Variants in CCR5AS observed in about 807,000 individuals in gnomAD.
CCR5AS encodes CCR5 antisense RNA.
At position 46,387,157 on chromosome 3, in the gene CCR5AS, A is replaced by G. The variant is rs991900376; in HGVS notation, n.391+5668T>C. Among the ~76,000 whole-genome samples, 13 of 152,270 alleles carry G rather than the reference A, an allele frequency of 8.5e-5. No homozygotes were observed. In the East Asian group the frequency reaches 2.3e-3, roughly 27 times the overall value. On this transcript the variant is annotated intron_variant and non_coding_transcript_variant, in intron 2 of 3. Coordinates refer to ENST00000451485, the Ensembl canonical transcript of CCR5AS. Reference sequence around the variant, plus strand: ...AAATGAAAGATACCCCCTTCCTACTATGAATTCTAAGTGTGTACTACCCAA... The same window carrying G: ...AAATGAAAGATACCCCCTTCCTACTGTGAATTCTAAGTGTGTACTACCCAA...
intron 2 of CCR5AS, among the ~76,000 whole-genome samples, chr3:46,379,110 C>A (rs969861505): frequency 4.0e-5 from 6 of 148,560 alleles, no homozygotes; most frequent in Admixed American, 2.7e-4. Flanking sequence ...CATGCTGGTG[C>A]GCTGCACCCA....
chr3:46,393,312 T>C (rs1315029780), intron 1 of CCR5AS, among the ~76,000 whole-genome samples: 1 of 152,008 alleles, frequency 6.6e-6, no homozygotes, highest in Admixed American at 6.5e-5. Flanking sequence ...TTCACTTCTT[T>C]TGTGGTTCTT....
intron 1 of CCR5AS, among the ~76,000 whole-genome samples, chr3:46,402,690 C>CT (rs1380460508): frequency 1.3e-5 from 2 of 152,096 alleles, no homozygotes; most frequent in African/African-American, 4.8e-5. Context: ...ACCTATTTCT[C>CT]TTTTTTTGAA....
chr3:46,368,891 A>G (rs1039731258), intron 3 of CCR5AS, among the ~76,000 whole-genome samples: 4 of 152,234 alleles, frequency 2.6e-5, no homozygotes, highest in African/African-American at 9.6e-5. Flanking sequence ...GGTGAAAGTA[A>G]GAACCAGCAA....
chr3:46,384,572 T>A (rs941650422), intron 2 of CCR5AS, among the ~76,000 whole-genome samples: 4 of 152,180 alleles, frequency 2.6e-5, no homozygotes, highest in African/African-American at 9.6e-5. Context: ...AATTTCTTTT[T>A]AATGCCTATG....
At chr3:46,370,517 A>T (rs1701647845) in intron 3 of CCR5AS, among the ~76,000 whole-genome samples, 1 of 152,198 alleles carries the variant, frequency 6.6e-6, no homozygotes, top group Non-Finnish European at 1.5e-5. Context: ...AATTAATAGC[A>T]ACTCTTAAGA....
At chr3:46,388,609 C>A (rs993186342) in intron 2 of CCR5AS, among the ~76,000 whole-genome samples, 8 of 152,134 alleles carry the variant, frequency 5.3e-5, no homozygotes, top group African/African-American at 1.9e-4. Context: ...TAGGTAAAAA[C>A]AACACTCTTC....
intron 2 of CCR5AS, among the ~76,000 whole-genome samples, chr3:46,387,128 A>G (rs1026680201): frequency 6.6e-6 from 1 of 152,182 alleles, no homozygotes; most frequent in Non-Finnish European, 1.5e-5. Flanking sequence ...ATTGTGGTGG[A>G]CACAAATGAA....
intron 1 of CCR5AS, among the ~76,000 whole-genome samples, chr3:46,403,254 C>A (rs1304838768): frequency 6.6e-6 from 1 of 152,176 alleles, no homozygotes; most frequent in Non-Finnish European, 1.5e-5. Flanking sequence ...TGGGTGTATA[C>A]CCAGTAATGG....
intron 2 of CCR5AS, among the ~76,000 whole-genome samples, chr3:46,380,565 G>T (rs1701806526): frequency 6.6e-6 from 1 of 152,184 alleles, no homozygotes; most frequent in Non-Finnish European, 1.5e-5. Context: ...CCTGCCCTAA[G>T]CCCCAGAGAC....
chr3:46,386,303 T>C (rs375746859), intron 2 of CCR5AS, among the ~76,000 whole-genome samples: 1 of 152,232 alleles, frequency 6.6e-6, no homozygotes. Context: ...GAATTCCTTC[T>C]TGTGACAGCG....
chr3:46,383,804 A>G (rs1301854314), intron 2 of CCR5AS, among the ~76,000 whole-genome samples: 2 of 152,250 alleles, frequency 1.3e-5, no homozygotes, highest in African/African-American at 4.8e-5. Flanking sequence ...GCAGCTCAAC[A>G]TTCAGCATTC....
intron 2 of CCR5AS, chr3:46,373,881 T>C (rs1701713805): frequency 6.2e-7 from 1 of 1,612,722 alleles, no homozygotes; most frequent in Non-Finnish European, 8.5e-7. Context: ...CTGTTCTATT[T>C]TCCAGCAAGA....
intron 1 of CCR5AS, among the ~76,000 whole-genome samples, chr3:46,397,201 G>A (rs1241574472): frequency 6.6e-6 from 1 of 151,916 alleles, no homozygotes; most frequent in Non-Finnish European, 1.5e-5. Context: ...AGCTCCCACT[G>A]CTCCTGTGTG....
chr3:46,397,691 T>C (rs181340112), intron 1 of CCR5AS, among the ~76,000 whole-genome samples: 95 of 152,138 alleles, frequency 6.2e-4, no homozygotes, highest in African/African-American at 2.2e-3. Flanking sequence ...CAAACACAAC[T>C]GAAAACTGAA....
intron 1 of CCR5AS, among the ~76,000 whole-genome samples, chr3:46,406,160 G>T (rs144074933): frequency 6.8e-4 from 103 of 152,238 alleles, no homozygotes; most frequent in African/African-American, 2.4e-3. Context: ...GTAGGAATGC[G>T]CCTCAGTGCC....
At chr3:46,392,525 G>A (rs550653846) in intron 2 of CCR5AS, among the ~76,000 whole-genome samples, 13 of 152,188 alleles carry the variant, frequency 8.5e-5, no homozygotes, top group Non-Finnish European at 1.8e-4. Flanking sequence ...CAAAGCTGGT[G>A]TCCCAGCAAT....
chr3:46,380,360 A>G (rs1250400487), intron 2 of CCR5AS, among the ~76,000 whole-genome samples: 1 of 152,236 alleles, frequency 6.6e-6, no homozygotes, highest in African/African-American at 2.4e-5. Flanking sequence ...GGGGTACAAG[A>G]GGAAAGGAGA....
chr3:46,373,433 C>T (rs369351284), intron 2 of CCR5AS: 2 of 1,612,176 alleles, frequency 1.2e-6, no homozygotes, highest in East Asian at 2.2e-5. Flanking sequence ...TTCATTACAC[C>T]TGCAGCTCTC....
Sources: gnomAD v4.1 joint callset for allele counts (sites outside exome capture counted in the v4.1 genomes callset) on GRCh38, gnomAD v4.1.1 for gene constraint, MANE v1.5 for transcripts, NCBI Gene and HGNC (gene_info 2026-07-23, HGNC 2026-07-21) for gene names.